Variants in HUNK observed in about 807,000 individuals in gnomAD.
HUNK encodes hormonally up-regulated Neu-associated kinase.
A neutral mutation model predicts 61.0 loss-of-function variants in HUNK; 21 were observed. The ratio of observed to expected loss-of-function variants is 0.34; its 90% CI spans 0.24 to 0.50. The LOEUF (loss-of-function observed/expected upper bound fraction) is 0.50, where lower values mean the gene tolerates loss of function less well. Among genes scored for constraint, HUNK ranks in the 20% least tolerant of loss-of-function variants. The pLI is 0.98. For synonymous variants in HUNK, 371 were observed against 386.1 expected, an observed-to-expected ratio of 0.96 and a Z score of 0.46; for missense variants, 772 against 945.7, an observed-to-expected ratio of 0.82 and a Z score of 2.41.
chr21:31,933,269 C>T (rs1490974413), intron 2 of HUNK, among the ~76,000 whole-genome samples: 2 of 152,166 alleles, frequency 1.3e-5, no homozygotes, highest in Non-Finnish European at 2.9e-5. Flanking sequence ...CTCCTAGCTC[C>T]TCTTTGAAGG....
intron 6 of HUNK, among the ~76,000 whole-genome samples, chr21:31,968,968 T>C (rs1265457088): frequency 1.3e-5 from 2 of 152,000 alleles, no homozygotes; most frequent in Admixed American, 1.3e-4. Flanking sequence ...AACCTCTGCC[T>C]CCTGGTTTCA....
chr21:31,876,814 T>A (rs2052265939), intron 1 of HUNK, among the ~76,000 whole-genome samples: 2 of 152,180 alleles, frequency 1.3e-5, no homozygotes, highest in Admixed American at 6.5e-5. Flanking sequence ...ATCTATTTAT[T>A]TTTTAAATTT....
At chr21:31,888,669 G>A (rs905253343) in intron 1 of HUNK, among the ~76,000 whole-genome samples, 2 of 152,126 alleles carry the variant, frequency 1.3e-5, no homozygotes, top group South Asian at 4.1e-4. Flanking sequence ...GAACCCAGGA[G>A]GCGGAGGTTA....
chr21:31,908,011 A>G (rs2052518691), intron 1 of HUNK, among the ~76,000 whole-genome samples: 1 of 152,104 alleles, frequency 6.6e-6, no homozygotes, highest in Non-Finnish European at 1.5e-5. Context: ...AAAAATGGTG[A>G]GGACAGTAAC....
chr21:31,949,042 A>C (rs1236786191), intron 4 of HUNK, among the ~76,000 whole-genome samples: 1 of 152,236 alleles, frequency 6.6e-6, no homozygotes, highest in South Asian at 2.1e-4. Flanking sequence ...CCTGTGAGAC[A>C]CATCTCTTGC....
At position 31,995,884 on chromosome 21, in the gene HUNK, G is replaced by A. The variant is rs529590745; in HGVS notation, c.1422G>A (p.Gln474=). 1.1e-5 allele frequency: 17 copies of A among 1,614,142 alleles called. No individual in the cohort carries two copies. The East Asian group carries it at 1.3e-4, about 13-fold the overall frequency. The change falls in exon 10 of 11, where the codon CAG becomes CAA. Residue 474 remains glutamine (Q), a synonymous_variant. Transcript: ENST00000270112. The part of the protein sequence containing the change: ...HKQPSGSLMT[Q]IQNTKALLKD... ...AGCCCTCAGGCTCGCTTATGACACA[G>A]ATTCAGAACACCAAAGCCCTCCTGA...
chr21:31,897,826 G>A (rs771923798), intron 1 of HUNK, among the ~76,000 whole-genome samples: 1 of 152,162 alleles, frequency 6.6e-6, no homozygotes, highest in Non-Finnish European at 1.5e-5. Context: ...TGTTTCTTGG[G>A]CTTTGGGTGG....
intron 1 of HUNK, among the ~76,000 whole-genome samples, chr21:31,887,094 G>A (rs553465378): frequency 1.3e-5 from 2 of 152,306 alleles, no homozygotes; most frequent in Admixed American, 1.3e-4. Context: ...TCTGGGTGAT[G>A]ACTATGTTGA....
At chr21:31,956,754 AT>A (rs1342275124) in intron 4 of HUNK, among the ~76,000 whole-genome samples, 1 of 152,044 alleles carries the variant, frequency 6.6e-6, no homozygotes. Flanking sequence ...CAACCTGCTG[AT>A]TTCCTGCCAT....
chr21:31,931,109 T>G (rs1402607884), intron 2 of HUNK, among the ~76,000 whole-genome samples: 1 of 138,078 alleles, frequency 7.2e-6, no homozygotes, highest in Admixed American at 7.4e-5. Context: ...CCCTGCAAAA[T>G]GCCTGTTGCC....
At chr21:31,985,018 A>G (rs139845364) in intron 8 of HUNK, among the ~76,000 whole-genome samples, 1 of 151,764 alleles carries the variant, frequency 6.6e-6, no homozygotes, top group Non-Finnish European at 1.5e-5. Flanking sequence ...GTGTAGGGGA[A>G]CTCCCCTTAA....
In HUNK at chr21:31,957,993, G is replaced by C. The variant is rs117076593; in HGVS notation, c.747-850G>C. 5.9e-4 allele frequency among the ~76,000 whole-genome samples: 90 copies of C among 152,278 alleles called. 1 individual carries two copies. In the East Asian group the frequency reaches 0.014, roughly 23 times the overall value. The stretch of plus-strand genomic sequence containing the variant: ...GTGACTGGAGCTTCCACTGTAGGGG[G>C]CTTTTCCTGTATTGTTTGGTCAGCC... On this transcript the variant is annotated intron_variant, in intron 4 of 10. Transcript: ENST00000270112.
intron 8 of HUNK, among the ~76,000 whole-genome samples, chr21:31,988,679 CTTTT>C (rs1303845917): frequency 6.9e-6 from 1 of 145,946 alleles, no homozygotes; most frequent in Non-Finnish European, 1.5e-5. Flanking sequence ...CTTTCTCTTT[CTTTT>C]CTTTTTCTTT....
At chr21:31,897,424 G>C (rs938727140) in intron 1 of HUNK, among the ~76,000 whole-genome samples, 23 of 152,152 alleles carry the variant, frequency 1.5e-4, no homozygotes, top group African/African-American at 5.6e-4. Context: ...ATAGCCCCAG[G>C]CATTCCTGGC....
intron 1 of HUNK, among the ~76,000 whole-genome samples, chr21:31,917,691 AACATAC>A (rs58696397): frequency 0.037 from 2,002 of 54,578 alleles, 60 homozygotes; most frequent in South Asian, 0.06. Context: ...CCCATTCCCA[AACATAC>A]ACACACACAC....
rs561558630 is a variant in HUNK at position 31,931,198 on chromosome 21, G to A, written c.554+6438G>A. 3.3e-5 allele frequency among the ~76,000 whole-genome samples: 5 copies of A among 151,606 alleles called. No homozygotes were observed. The South Asian group carries it at 1.0e-3, about 32-fold the overall frequency. ...TAAAATCCATCTTGTGACCATCCCTGTAGGCAAAACTTTTTCCATCCAACT... is the reference window on the plus strand; with the variant it reads ...TAAAATCCATCTTGTGACCATCCCTATAGGCAAAACTTTTTCCATCCAACT... On this transcript the variant is annotated intron_variant, in intron 2 of 10. Transcript: ENST00000270112.
intron 6 of HUNK, among the ~76,000 whole-genome samples, chr21:31,971,364 C>T (rs1024481469): frequency 5.3e-5 from 8 of 152,028 alleles, no homozygotes; most frequent in African/African-American, 1.7e-4. Context: ...GAGCCACCAC[C>T]GTGCCTGGCC....
chr21:31,990,880 T>C (rs1473763942), intron 9 of HUNK, among the ~76,000 whole-genome samples: 1 of 152,164 alleles, frequency 6.6e-6, no homozygotes, highest in Admixed American at 6.5e-5. Context: ...CCATCTAGAC[T>C]GGTGTTTGGC....
intron 7 of HUNK, among the ~76,000 whole-genome samples, chr21:31,982,199 T>A (rs1311021249): frequency 6.6e-6 from 1 of 152,240 alleles, no homozygotes; most frequent in African/African-American, 2.4e-5. Context: ...TAGAAACACC[T>A]GCTTGCCTAG....
Sources: gnomAD v4.1 joint callset for allele counts (sites outside exome capture counted in the v4.1 genomes callset) on GRCh38, gnomAD v4.1.1 for gene constraint, MANE v1.5 for transcripts, NCBI Gene and HGNC (gene_info 2026-07-23, HGNC 2026-07-21) for gene names.